Variants in ERC2 observed in about 807,000 individuals in gnomAD.
The protein encoded by ERC2 is ELKS/RAB6-interacting/CAST family member 2, also known as ERC protein 2.
Under a neutral mutation model 114.8 loss-of-function variants are expected in ERC2, and 42 were observed. That is an observed-to-expected ratio of 0.37 (90% CI 0.29 to 0.47). The LOEUF (loss-of-function observed/expected upper bound fraction) is 0.47, where lower values mean the gene tolerates loss of function less well. Ranked by LOEUF, ERC2 falls within the 20% of genes least tolerant of loss-of-function variation. ERC2 has a pLI of 0.99. For missense variants in ERC2, 939 were observed against 1,150.7 expected (o/e 0.82, Z 2.66); for synonymous variants, 454 against 425.5 (o/e 1.07, Z -0.82).
intron 11 of ERC2, among the ~76,000 whole-genome samples, chr3:55,987,481 T>C (rs1018061509): frequency 2.0e-5 from 3 of 152,186 alleles, no homozygotes; most frequent in Non-Finnish European, 4.4e-5. Flanking sequence ...CTGCCACTTG[T>C]TTTCAAGAAA....
At chr3:56,214,429 G>A (rs533936474) in intron 3 of ERC2, among the ~76,000 whole-genome samples, 1 of 152,178 alleles carries the variant, frequency 6.6e-6, no homozygotes, top group African/African-American at 2.4e-5. Flanking sequence ...GAAGCATGAA[G>A]AGAAGTTTAG....
chr3:55,933,117 G>A (rs1165635127), intron 13 of ERC2, among the ~76,000 whole-genome samples: 3 of 151,770 alleles, frequency 2.0e-5, no homozygotes, highest in African/African-American at 7.3e-5. Flanking sequence ...GCTGAGGCAG[G>A]AGAATAGCTT....
In ERC2 at chr3:55,875,690, T is replaced by TCACACACACACA. The variant is rs71621803; in HGVS notation, c.2564+12687_2564+12698dup. Among the ~76,000 whole-genome samples, 48 of 144,722 alleles carry TCACACACACACA rather than the reference T, an allele frequency of 3.3e-4. No homozygotes were observed. The East Asian group carries it at 5.9e-3, about 18-fold the overall frequency. 94.9% of individuals were successfully genotyped at this position (144,722 alleles called of 152,430 possible). A position where few individuals can be genotyped will look rare whatever the true frequency, so the allele number is the denominator to read the frequency against. On this transcript the variant is annotated intron_variant, in intron 14 of 17. Coordinates refer to ENST00000288221, the MANE Select transcript of ERC2 (RefSeq NM_015576.3). ...CCTCTTTTTCTGCCCCTAAACTCATTCACACACACACACACACACACACAC... is the reference window on the plus strand; with the variant it reads ...CCTCTTTTTCTGCCCCTAAACTCATTCACACACACACACACACACACACACACACACACACAC...
chr3:55,872,529 C>T (rs537484350), intron 14 of ERC2, among the ~76,000 whole-genome samples: 1 of 152,288 alleles, frequency 6.6e-6, no homozygotes, highest in East Asian at 1.9e-4. Context: ...AGGAAAGCTT[C>T]GTAGCTATTT....
intron 2 of ERC2, among the ~76,000 whole-genome samples, chr3:56,333,084 C>T (rs1345103290): frequency 1.3e-5 from 2 of 152,204 alleles, no homozygotes; most frequent in South Asian, 4.1e-4. Flanking sequence ...TGGGATGTCA[C>T]GTAGTAGCCC....
At chr3:55,826,241 G>A (rs998148067) in intron 14 of ERC2, among the ~76,000 whole-genome samples, 1 of 152,164 alleles carries the variant, frequency 6.6e-6, no homozygotes, top group Admixed American at 6.5e-5. Context: ...TGCCATAGCA[G>A]GAAAGAACAA....
At chr3:55,845,611 C>T (rs1255461039) in intron 14 of ERC2, among the ~76,000 whole-genome samples, 1 of 152,048 alleles carries the variant, frequency 6.6e-6, no homozygotes, top group Non-Finnish European at 1.5e-5. Flanking sequence ...TAATTCAACC[C>T]CAACTGTTTT....
intron 8 of ERC2, among the ~76,000 whole-genome samples, chr3:56,011,948 T>C (rs192469074): frequency 4.0e-4 from 61 of 152,328 alleles, no homozygotes; most frequent in African/African-American, 1.4e-3. Context: ...TTTATATATC[T>C]AATGCTTTCA....
At chr3:55,660,928 T>C (rs541690447) in intron 17 of ERC2, among the ~76,000 whole-genome samples, 291 of 152,348 alleles carry the variant, frequency 1.9e-3, no homozygotes, top group African/African-American at 6.5e-3. Context: ...TAAAGTACCG[T>C]GCACAGCACC....
intron 17 of ERC2, among the ~76,000 whole-genome samples, chr3:55,617,575 G>T (rs947614901): frequency 4.6e-5 from 7 of 152,106 alleles, no homozygotes; most frequent in Non-Finnish European, 7.4e-5. Context: ...AGCCAGGAAA[G>T]ACCTGCAGGC....
At chr3:56,392,407 G>A (rs1454816826) in intron 2 of ERC2, among the ~76,000 whole-genome samples, 1 of 152,030 alleles carries the variant, frequency 6.6e-6, no homozygotes, top group Non-Finnish European at 1.5e-5. Flanking sequence ...TTCTTGTTGG[G>A]GCTTTATATA....
At chr3:56,394,333 T>C (rs974161794) in intron 2 of ERC2, among the ~76,000 whole-genome samples, 2 of 152,172 alleles carry the variant, frequency 1.3e-5, no homozygotes, top group African/African-American at 4.8e-5. Flanking sequence ...AAATAAAACT[T>C]TTAGTGAAAC....
chr3:56,348,946 AGG>A (rs1366803380), intron 2 of ERC2, among the ~76,000 whole-genome samples: 3 of 138,848 alleles, frequency 2.2e-5, no homozygotes, highest in East Asian at 2.0e-4. Flanking sequence ...GAAGGAAGGA[AGG>A]AAGGAAGGAA....
chr3:55,718,132 C>T (rs2064233881), intron 15 of ERC2, among the ~76,000 whole-genome samples: 1 of 152,174 alleles, frequency 6.6e-6, no homozygotes, highest in African/African-American at 2.4e-5. Context: ...TCTGCCTTAT[C>T]ACCACAGAGA....
chr3:56,195,387 T>C (rs1402516577), intron 3 of ERC2, among the ~76,000 whole-genome samples: 1 of 152,144 alleles, frequency 6.6e-6, no homozygotes, highest in African/African-American at 2.4e-5. Context: ...ATTTAATATT[T>C]TCTGACCAAT....
At chr3:55,657,918 A>G (rs1351433150) in intron 17 of ERC2, 1 of 152,194 alleles carries the variant, frequency 6.6e-6, no homozygotes, top group Non-Finnish European at 1.5e-5. Flanking sequence ...TAATAACAAT[A>G]CTGGCAATGG....
At chr3:56,060,718 C>T (rs533504218) in intron 7 of ERC2, among the ~76,000 whole-genome samples, 2 of 152,316 alleles carry the variant, frequency 1.3e-5, no homozygotes, top group Admixed American at 6.5e-5. Flanking sequence ...ATCCCAACAT[C>T]GTCCCAATGG....
At chr3:55,917,587 C>T (rs1162780782) in intron 13 of ERC2, among the ~76,000 whole-genome samples, 3 of 151,864 alleles carry the variant, frequency 2.0e-5, no homozygotes, top group Non-Finnish European at 2.9e-5. Flanking sequence ...TATGAATAGG[C>T]AAATCCATAA....
At chr3:56,168,680 C>T (rs2082452372) in intron 4 of ERC2, among the ~76,000 whole-genome samples, 1 of 152,106 alleles carries the variant, frequency 6.6e-6, no homozygotes, top group Admixed American at 6.5e-5. Context: ...CAGTACATCC[C>T]TTTCATATTC....
Sources: allele counts gnomAD v4.1 joint callset (sites outside exome capture counted in the v4.1 genomes callset), GRCh38; gene constraint gnomAD v4.1.1; transcripts MANE v1.5; gene names NCBI Gene and HGNC (gene_info 2026-07-23, HGNC 2026-07-21).